Variants in ATL3 observed in about 807,000 individuals in gnomAD.
The protein encoded by ATL3 is atlastin GTPase 3, also known as atlastin-3.
A neutral mutation model predicts 69.5 loss-of-function variants in ATL3; 49 were observed. The ratio of observed to expected loss-of-function variants is 0.71; its 90% confidence interval spans 0.56 to 0.89. ATL3 has a LOEUF of 0.89. Ranked by LOEUF, ATL3 falls within the 40% of genes least tolerant of loss-of-function variation. The probability of loss-of-function intolerance (pLI) is 0.00; values close to 1 mark genes in which losing one functional copy is unlikely to be tolerated. For synonymous variants in ATL3, 214 were observed against 224.1 expected (o/e 0.95, Z 0.40); for missense variants, 606 against 645.7 (o/e 0.94, Z 0.67).
intron 8 of ATL3, among the ~76,000 whole-genome samples, chr11:63,637,159 C>G (rs1258781240): frequency 6.6e-6 from 1 of 151,970 alleles, no homozygotes; most frequent in Non-Finnish European, 1.5e-5. Context: ...CACCTGTAAT[C>G]CCAGCTACTC....
chr11:63,633,695 A>G (rs1336150121), intron 10 of ATL3, among the ~76,000 whole-genome samples: 1 of 148,194 alleles, frequency 6.7e-6, no homozygotes, highest in Non-Finnish European at 1.5e-5. Flanking sequence ...CATTGCTCCA[A>G]CTTTAAGAAA....
intron 12 of ATL3, 142 bp from the exon 13 acceptor site, chr11:63,629,547 G>A: frequency 2.8e-6 from 2 of 705,842 alleles, no homozygotes; most frequent in Middle Eastern, 3.8e-4. Context: ...GGGATACAGA[G>A]AGGCTGTGGC....
intron 6 of ATL3, among the ~76,000 whole-genome samples, 177 bp downstream of exon 6, chr11:63,646,330 G>A (rs1011180708): frequency 3.3e-5 from 5 of 152,230 alleles, no homozygotes; most frequent in Non-Finnish European, 5.9e-5. Context: ...GGTAATTTAC[G>A]TGTCATAAAA....
intron 11 of ATL3, 68 bp from the exon 12 acceptor site, chr11:63,631,539 A>G: frequency 7.8e-7 from 1 of 1,289,174 alleles, no homozygotes; most frequent in Non-Finnish European, 1.1e-6. Context: ...AAAACATGAA[A>G]AGATAATGAA....
intron 8 of ATL3, 90 bp from the exon 9 acceptor site, chr11:63,636,424 G>A: frequency 6.5e-7 from 1 of 1,531,792 alleles, no homozygotes; most frequent in Non-Finnish European, 8.9e-7. Flanking sequence ...CCAGTCTAGT[G>A]CTTTTAACAT....
intron 1 of ATL3, chr11:63,670,486 G>C (rs962042365): frequency 6.6e-6 from 1 of 152,148 alleles, no homozygotes; most frequent in African/African-American, 2.4e-5. Context: ...CAAGTGAAAC[G>C]GTCATTTCAA....
chr11:63,625,981 CA>C lies in ATL3; in HGVS notation c.*3337del, dbSNP rs111571974. 2,231 of 134,060 alleles carry C rather than the reference CA, an allele frequency of 0.017. 52 individuals carry two copies. The highest frequency in any genetic ancestry group is 0.055 in the African/African-American group (2,033 of 36,688). 8.3% of individuals were successfully genotyped at this position (134,060 alleles called of 1,614,324 possible). A position where few individuals can be genotyped will look rare whatever the true frequency, so the allele number is the denominator to read the frequency against. Reference sequence around the variant, plus strand: ...TGGGTGACAGTACAAGAGTCCGTCTCAAAAAAAAAAAGGAATAAAGCGAAAC... The same window carrying C: ...TGGGTGACAGTACAAGAGTCCGTCTCAAAAAAAAAAGGAATAAAGCGAAAC... On this transcript the variant is annotated 3_prime_UTR_variant, in exon 13 of 13. Coordinates refer to ENST00000398868, the MANE Select transcript of ATL3 (RefSeq NM_015459.5).
At chr11:63,635,964 ATCT>A (rs1939502031) in intron 9 of ATL3, among the ~76,000 whole-genome samples, 1 of 149,326 alleles carries the variant, frequency 6.7e-6, no homozygotes, top group Admixed American at 6.8e-5. Flanking sequence ...TTGAGGAACA[ATCT>A]TCCTTTAGTC....
chr11:63,629,378 G>C lies in ATL3; in HGVS notation c.1567C>G (p.Gln523Glu), dbSNP rs369771305. Residue 523 changes from glutamine to glutamate, a missense_variant, in exon 13 of 13, where the codon CAG becomes GAG. Gln to Glu is a conservative substitution (Grantham distance 29, BLOSUM62 2). Transcript: ENST00000398868. ...ACAACTGCATCCCTCACAGTGGCCT[G>C]AGTGGAATTACCGATATGAGAAGAA... ...QASSHIGNST[Q>E]ATVRDAVVGR... 3.1e-6 allele frequency: 5 copies of C among 1,614,012 alleles called. No individual in the cohort carries two copies. The highest frequency in any genetic ancestry group is 1.3e-5 in the African/African-American group (1 of 74,892).
At position 63,669,957 on chromosome 11, in the gene ATL3, A is replaced by AT. The variant is rs748688020; in HGVS notation, c.46+1332dup. Among the ~76,000 whole-genome samples, 34 of 151,784 alleles carry AT rather than the reference A, an allele frequency of 2.2e-4. 2 individuals are homozygous for AT. In the South Asian group the frequency reaches 6.4e-3, roughly 29 times the overall value. On this transcript the variant is annotated intron_variant, in intron 1 of 12. Coordinates refer to ENST00000398868, the MANE Select transcript of ATL3 (RefSeq NM_015459.5). ...AAACGAAACTCCGTCTCAAAAAAAA[A>AT]TAGCCGCGCATGGTGGAGAGCGCCT...
At position 63,636,225 on chromosome 11, in the gene ATL3, T is replaced by TC; in HGVS notation, c.959dup (p.Leu321ThrfsTer6). On this transcript the variant is annotated frameshift_variant, in exon 9 of 13. Coordinates refer to ENST00000398868, the MANE Select transcript of ATL3 (RefSeq NM_015459.5). LOFTEE classifies it high-confidence loss of function. ...TATTTACCTTAAAATACTCCAGTAG[T>TC]CCCCGACAGGTGACCTTTGAGCCAT... 1.2e-6 allele frequency: 2 copies of TC among 1,614,070 alleles called. No homozygotes were observed. The highest frequency in any genetic ancestry group is 1.7e-6 in the Non-Finnish European group (2 of 1,179,986).
At chr11:63,668,738 A>T (rs1292751838) in intron 1 of ATL3, among the ~76,000 whole-genome samples, 1 of 149,030 alleles carries the variant, frequency 6.7e-6, no homozygotes, top group African/African-American at 2.5e-5. Context: ...ACACTTTTGT[A>T]TCTCTTTCCT....
intron 6 of ATL3, 104 bp downstream of exon 6, chr11:63,646,403 T>C (rs931529223): frequency 7.8e-6 from 5 of 637,608 alleles, no homozygotes; most frequent in Non-Finnish European, 1.1e-5. Context: ...TCACAAGTCA[T>C]ATAAAAACAG....
chr11:63,645,568 G>C (rs1939846120), intron 6 of ATL3, among the ~76,000 whole-genome samples: 1 of 151,928 alleles, frequency 6.6e-6, no homozygotes, highest in African/African-American at 2.4e-5. Context: ...GAGAGACAGA[G>C]AGAGACAGAG....
intron 6 of ATL3, among the ~76,000 whole-genome samples, chr11:63,645,137 TG>T (rs1383855907): frequency 6.6e-6 from 1 of 151,944 alleles, no homozygotes; most frequent in African/African-American, 2.4e-5. Context: ...CCAGCCACCG[TG>T]GCTCATGCCT....
rs776366099 is a variant in ATL3, at chr11:63,651,940, A to G, written c.557T>C (p.Leu186Pro). The G allele has an allele frequency of 3.8e-6, 6 of 1,595,236 alleles. No homozygotes were observed. The Admixed American group carries it at 5.4e-5, about 14-fold the overall frequency. ...ATTGTTATGAGAAATATATACCTGC[A>G]GCTGTTGAAGATCATCTTCTTGAAT... ...QNIQEDDLQQ[L>P]QLFTEYGRLA... is the part of the protein sequence containing the mutation. Residue 186 changes from leucine (L) to proline (P), a missense_variant, in exon 5 of 13, where the codon CTG becomes CCG. Leu to Pro is a moderately conservative substitution (Grantham distance 98). Transcript: ENST00000398868.
intron 1 of ATL3, 54 bp from the exon 2 acceptor site, chr11:63,659,306 G>C: frequency 6.6e-7 from 1 of 1,517,250 alleles, no homozygotes; most frequent in Non-Finnish European, 9.1e-7. Flanking sequence ...ATATGTTTTT[G>C]AATATAGGGA....
At position 63,631,122 on chromosome 11, in the gene ATL3, G is replaced by A. The variant is rs1939300338; in HGVS notation, c.1457C>T (p.Thr486Ile). ...MVGLLLIALL[T>I]WGYIRYSGQY... ...ACCAGAATACCTGATGTAGCCCCAG[G>A]TGAGGAGTGCTATTAACAGTAGTCC... is the stretch of plus-strand genomic sequence containing the variant. Residue 486 changes from threonine (T) to isoleucine (I), a missense_variant, in exon 12 of 13, where the codon ACC (threonine) becomes ATC (isoleucine). Physicochemically the swap from Thr to Ile is moderately conservative, Grantham distance 89. Coordinates refer to ENST00000398868, the MANE Select transcript of ATL3 (RefSeq NM_015459.5). The A allele has an allele frequency of 1.9e-6, 3 of 1,614,184 alleles. No individual in the cohort carries two copies. The highest frequency in any genetic ancestry group is 2.5e-6 in the Non-Finnish European group (3 of 1,180,048).
Position 63,665,267 on chromosome 11 carries a change from C to A in ATL3, c.47-6015G>T, listed in dbSNP as rs565324. 8.7e-3 allele frequency among the ~76,000 whole-genome samples: 1,317 copies of A among 151,736 alleles called. 18 individuals carry two copies. The highest frequency in any genetic ancestry group is 0.03 in the African/African-American group (1,247 of 41,348). On this transcript the variant is annotated intron_variant, in intron 1 of 12. Coordinates refer to ENST00000398868, the MANE Select transcript of ATL3 (RefSeq NM_015459.5). ...GGCTGAGGCAGGAGAATCGCTTGAA[C>A]CCCGGGAGGCGGAGGTTGCGGTGAG...
Sources: allele counts gnomAD v4.1 joint callset (sites outside exome capture counted in the v4.1 genomes callset), GRCh38; gene constraint gnomAD v4.1.1; transcripts MANE v1.5; gene names NCBI Gene and HGNC (gene_info 2026-07-23, HGNC 2026-07-21).